Variants in AGAP1 observed in about 807,000 individuals in gnomAD.
AGAP1 encodes the protein ArfGAP with GTPase domain, ankyrin repeat and PH domain 1.
AGAP1 carries 29 observed loss-of-function variants against 105.3 expected under a neutral mutation model. The ratio of observed to expected loss-of-function variants is 0.28; its 90% CI spans 0.21 to 0.38. The LOEUF is 0.38. AGAP1 is among the 10% of genes least tolerant of loss of function. AGAP1 has a pLI of 1.00. For missense variants in AGAP1, 998 were observed against 1,165.1 expected, an observed-to-expected ratio of 0.86 and a Z score of 2.09; for synonymous variants, 509 against 485.9, an observed-to-expected ratio of 1.05 and a Z score of -0.63.
rs182228933 is a variant in AGAP1 at position 235,710,071 on chromosome 2, A to G, written c.222+834A>G. ...ATGTATTTTCTAATTTGACCGTGAAAGCAAAGCAGATGAGCTCTTGCTGTT... is the reference window on the plus strand; with the variant it reads ...ATGTATTTTCTAATTTGACCGTGAAGGCAAAGCAGATGAGCTCTTGCTGTT... On this transcript the variant is annotated intron_variant, in intron 2 of 17. Coordinates refer to ENST00000304032, the MANE Select transcript of AGAP1 (RefSeq NM_001037131.3). 2.0e-3 allele frequency among the ~76,000 whole-genome samples: 310 copies of G among 152,314 alleles called. 2 individuals are homozygous for G. The highest frequency in any genetic ancestry group is 6.9e-3 in the African/African-American group (288 of 41,552).
At chr2:236,024,034 G>GTTT (rs1164008066) in intron 13 of AGAP1, among the ~76,000 whole-genome samples, 1 of 129,114 alleles carries the variant, frequency 7.7e-6, no homozygotes, top group Non-Finnish European at 1.6e-5. Flanking sequence ...TTTTTTTTTT[G>GTTT]TTTTTTTTTT....
At position 235,686,634 on chromosome 2, in the gene AGAP1, TATATATATATAGATATATATATATA is replaced by T. The variant is rs1559350612; in HGVS notation, c.164-22544_164-22520del. 5.6e-4 allele frequency among the ~76,000 whole-genome samples: 29 copies of T among 51,892 alleles called. No homozygotes were observed. In the East Asian group the frequency reaches 5.6e-3, roughly 10 times the overall value. The allele number at this position is 51,892 out of a possible 152,430, so 34.0% of individuals were successfully genotyped here. A position where few individuals can be genotyped will look rare whatever the true frequency, so the allele number is the denominator to read the frequency against. On this transcript the variant is annotated intron_variant, in intron 1 of 17. Transcript: ENST00000304032. Reference sequence around the variant, plus strand: ...GTGGAGATATAGATATATATATATATATATATATATAGATATATATATATATATATATTTTTTTTTTTTTTTAGAC... The same window carrying T: ...GTGGAGATATAGATATATATATATATTATATATTTTTTTTTTTTTTTAGAC...
rs1399409057 is a variant in AGAP1, at chr2:235,843,474, G to C, written c.1050+36143G>C. Among the ~76,000 whole-genome samples, 2 of 152,090 alleles carry C rather than the reference G, an allele frequency of 1.3e-5. No individual in the cohort carries two copies. The highest frequency in any genetic ancestry group is 2.9e-5 in the Non-Finnish European group (2 of 68,024). On this transcript the variant is annotated intron_variant, in intron 9 of 17. Transcript: ENST00000304032. This position sits in a 1 kb window ranked among gnomAD's most constrained non-coding sequence, Gnocchi z 5.9. ...GTATTTTCTGGGGCCAGGGAGCAAT[G>C]TTACCATTTCCAGAAAAGCAGTCCA...
At chr2:235,697,829 A>G (rs142002441) in intron 1 of AGAP1, among the ~76,000 whole-genome samples, 6 of 152,332 alleles carry the variant, frequency 3.9e-5, no homozygotes, top group African/African-American at 1.4e-4. Context: ...ACAGAAACTC[A>G]GCATATGAAT....
chr2:236,054,480 TAAAAAAAAAAA>T (rs10560456), intron 16 of AGAP1, among the ~76,000 whole-genome samples: 5 of 112,810 alleles, frequency 4.4e-5, no homozygotes, highest in African/African-American at 1.6e-4. Flanking sequence ...TTTTCTTTCT[TAAAAAAAAAAA>T]AAAAAAAAGG....
At chr2:235,863,982 C>A (rs1296696560) in intron 9 of AGAP1, among the ~76,000 whole-genome samples, 1 of 152,192 alleles carries the variant, frequency 6.6e-6, no homozygotes, top group East Asian at 1.9e-4. Context: ...AAGGACAAAT[C>A]TTTTATGCGG....
At chr2:235,786,096 A>G (rs1956618421) in intron 6 of AGAP1, among the ~76,000 whole-genome samples, 2 of 152,216 alleles carry the variant, frequency 1.3e-5, no homozygotes, top group African/African-American at 4.8e-5. Context: ...AAGAAGTGAC[A>G]GGTTCATCTT....
chr2:236,021,165 CAAAA>C (rs1226322235), intron 13 of AGAP1, among the ~76,000 whole-genome samples: 7 of 76,262 alleles, frequency 9.2e-5, no homozygotes, highest in African/African-American at 1.3e-4. Context: ...GATTCTGTCT[CAAAA>C]AAAAAAAAAA....
At chr2:235,849,807 C>G (rs184553887) in intron 9 of AGAP1, among the ~76,000 whole-genome samples, 3 of 152,340 alleles carry the variant, frequency 2.0e-5, no homozygotes, top group Admixed American at 2.0e-4. Flanking sequence ...CTTCCCGCCC[C>G]TGGAGGGGAG....
At chr2:235,783,602 T>C (rs1247287959) in intron 6 of AGAP1, among the ~76,000 whole-genome samples, 1 of 152,174 alleles carries the variant, frequency 6.6e-6, no homozygotes, top group Non-Finnish European at 1.5e-5. Context: ...CCACAAAACA[T>C]TATGCTCTGT....
At position 235,864,492 on chromosome 2, in the gene AGAP1, G is replaced by C. The variant is rs1483872745; in HGVS notation, c.1051-18853G>C. 2.0e-5 allele frequency among the ~76,000 whole-genome samples: 3 copies of C among 152,216 alleles called. No individual in the cohort carries two copies. Among genetic ancestry groups the C allele is most frequent in the African/African-American group, 7.2e-5 (3 of 41,460 alleles). ...GGGAGGAGGAGGTGGGCGGCCGGAA[G>C]GTGGTTGAGCGTTTCCGCTCCACTG... is the stretch of plus-strand genomic sequence containing the variant. On this transcript the variant is annotated intron_variant, in intron 9 of 17. Transcript: ENST00000304032. This position sits in a 1 kb window ranked among gnomAD's most constrained non-coding sequence, Gnocchi z 5.0.
At chr2:235,653,180 T>C (rs1423435765) in intron 1 of AGAP1, among the ~76,000 whole-genome samples, 2 of 152,012 alleles carry the variant, frequency 1.3e-5, no homozygotes, top group Admixed American at 1.3e-4. Context: ...TAAGGGCACA[T>C]TCCGGCCGGG....
rs955133244 is a variant in AGAP1 at position 236,080,014 on chromosome 2, G to A, written c.2114+30733G>A. 6.6e-6 allele frequency among the ~76,000 whole-genome samples: 1 copy of A among 152,180 alleles called. No individual in the cohort carries two copies. The highest frequency in any genetic ancestry group is 6.5e-5 in the Admixed American group (1 of 15,278). ...GCAGTAGCCAGAGTATTAGCATTTG[G>A]GTCATTTCCCAGGTCCCAGTGCCCA... On this transcript the variant is annotated intron_variant, in intron 16 of 17. Coordinates refer to ENST00000304032, the MANE Select transcript of AGAP1 (RefSeq NM_001037131.3). This position sits in a 1 kb window ranked among gnomAD's most constrained non-coding sequence, Gnocchi z 4.2.
rs1235008727 is a variant in AGAP1, at chr2:235,716,704, G to A, written c.223-853G>A. Among the ~76,000 whole-genome samples the A allele has an allele frequency of 6.6e-6, 1 of 152,072 alleles. No individual in the cohort carries two copies. The highest frequency in any genetic ancestry group is 1.5e-5 in the Non-Finnish European group (1 of 67,998). ...GCAGCTTCCCAGAGAAGGCGGCATG[G>A]GGGGTATCCAGCTCCCAAGCACAGG... On this transcript the variant is annotated intron_variant, in intron 2 of 17. Transcript: ENST00000304032. The surrounding 1 kb of genome is among the most constrained non-coding windows in gnomAD (Gnocchi z 4.0).
chr2:235,939,387 C>T (rs1216710520), intron 12 of AGAP1, among the ~76,000 whole-genome samples: 1 of 152,068 alleles, frequency 6.6e-6, no homozygotes, highest in Non-Finnish European at 1.5e-5. Flanking sequence ...GAACTCATCA[C>T]CTCTCATCTT....
At position 236,121,857 on chromosome 2, in the gene AGAP1, C is replaced by T. The variant is rs897809330; in HGVS notation, c.2370+1410C>T. On this transcript the variant is annotated intron_variant, in intron 17 of 17. Transcript: ENST00000304032. The surrounding 1 kb of genome is among the most constrained non-coding windows in gnomAD (Gnocchi z 4.9). The stretch of plus-strand genomic sequence containing the variant: ...AAGGGCCAGCAGGAATGGTTCCTGG[C>T]GAGGCCTCTCTCACGGCTGGTAGAC... Among the ~76,000 whole-genome samples the T allele has an allele frequency of 3.3e-5, 5 of 152,176 alleles. No individual in the cohort carries two copies. The highest frequency in any genetic ancestry group is 6.5e-5 in the Admixed American group (1 of 15,282).
intron 1 of AGAP1, among the ~76,000 whole-genome samples, chr2:235,695,703 T>A (rs1418517584): frequency 6.6e-6 from 1 of 152,024 alleles, no homozygotes; most frequent in Non-Finnish European, 1.5e-5. Flanking sequence ...CCGGGCGCAG[T>A]GGGGGCACTT....
rs2054727172 is a variant in AGAP1 at position 235,973,248 on chromosome 2, G to A, written c.1645+4625G>A. On this transcript the variant is annotated intron_variant, in intron 13 of 17. Coordinates refer to ENST00000304032, the MANE Select transcript of AGAP1 (RefSeq NM_001037131.3). This position sits in a 1 kb window ranked among gnomAD's most constrained non-coding sequence, Gnocchi z 4.7. ...TTTGTTCTGCACCAGATGGCAGAGG[G>A]TGTCAGACCCCAGCCCAGGGAGAGC... Among the ~76,000 whole-genome samples, 1 of 151,934 alleles carries A rather than the reference G, an allele frequency of 6.6e-6. No individual in the cohort carries two copies. Among genetic ancestry groups the A allele is most frequent in the African/African-American group, 2.4e-5 (1 of 41,358 alleles).
At chr2:235,776,770 C>G (rs1331897591) in intron 6 of AGAP1, among the ~76,000 whole-genome samples, 1 of 152,188 alleles carries the variant, frequency 6.6e-6, no homozygotes, top group Non-Finnish European at 1.5e-5. Context: ...CAAGCTCGCA[C>G]CCTTTCCTTA....
Sources: gnomAD v4.1 joint callset for allele counts (sites outside exome capture counted in the v4.1 genomes callset) on GRCh38, gnomAD v4.1.1 for gene constraint, Gnocchi (gnomAD v3.1) non-coding constraint, MANE v1.5 for transcripts, NCBI Gene and HGNC (gene_info 2026-07-23, HGNC 2026-07-21) for gene names.